The following MYO3B variants were observed in gnomAD, a reference collection of about 807,000 sequenced individuals.
MYO3B encodes the protein myosin-IIIb.
A neutral mutation model predicts 174.6 loss-of-function variants in MYO3B; 156 were observed. The ratio of observed to expected loss-of-function variants is 0.89; its 90% CI spans 0.78 to 1.02. The LOEUF (loss-of-function observed/expected upper bound fraction) is 1.02, where lower values mean the gene tolerates loss of function less well. MYO3B is among the 50% of genes least tolerant of loss of function. The pLI, the probability that MYO3B is intolerant of heterozygous loss-of-function variation, is 0.00. For synonymous variants in MYO3B, 563 were observed against 569.1 expected (o/e 0.99, Z 0.15); for missense variants, 1,632 against 1,639.4 (o/e 1.00, Z 0.08).
At chr2:170,519,844 GT>G (rs1429356591) in intron 30 of MYO3B, 2 of 261,830 alleles carry the variant, frequency 7.6e-6, no homozygotes, top group African/African-American at 4.6e-5. Context: ...ATGGTGGCAT[GT>G]GCCTGTAATC....
At chr2:170,448,160 G>A (rs1200014436) in intron 23 of MYO3B, among the ~76,000 whole-genome samples, 1 of 152,156 alleles carries the variant, frequency 6.6e-6, no homozygotes, top group African/African-American at 2.4e-5. Context: ...AGGCAGGAAG[G>A]GGATTTGTTT....
At chr2:170,474,603 C>T (rs373813146) in intron 25 of MYO3B, among the ~76,000 whole-genome samples, 2 of 151,032 alleles carry the variant, frequency 1.3e-5, no homozygotes, top group South Asian at 2.1e-4. Flanking sequence ...ATAAGCCAGG[C>T]GTGGTGGCGC....
At chr2:170,441,869 C>G (rs2094803424) in intron 22 of MYO3B, among the ~76,000 whole-genome samples, 2 of 152,124 alleles carry the variant, frequency 1.3e-5, no homozygotes, top group African/African-American at 4.8e-5. Flanking sequence ...TTAACTGCAA[C>G]CTGTTTTATC....
At chr2:170,259,660 G>A (rs535421208) in intron 7 of MYO3B, among the ~76,000 whole-genome samples, 3 of 152,282 alleles carry the variant, frequency 2.0e-5, no homozygotes, top group African/African-American at 4.8e-5. Flanking sequence ...TTATGACAAA[G>A]TCCTCAAAAG....
chr2:170,544,087 T>C, intron 32 of MYO3B, 99 bp downstream of exon 32: 1 of 919,636 alleles, frequency 1.1e-6, no homozygotes, highest in Non-Finnish European at 1.6e-6. Flanking sequence ...GATAGTAATA[T>C]GACCAAATGT....
intron 23 of MYO3B, 141 bp downstream of exon 23, chr2:170,444,187 GA>G: frequency 1.8e-6 from 1 of 547,876 alleles, no homozygotes. Context: ...AGGCATTTAG[GA>G]AATCAGGGGT....
intron 28 of MYO3B, 36 bp from the exon 29 acceptor site, chr2:170,514,885 A>G (rs774682222): frequency 1.3e-6 from 2 of 1,588,426 alleles, no homozygotes; most frequent in East Asian, 2.2e-5. Flanking sequence ...GTGTGGGAGC[A>G]TAACCTTGAG....
intron 9 of MYO3B, among the ~76,000 whole-genome samples, chr2:170,370,624 TACACACACACACAC>T (rs55790344): frequency 0.045 from 5,786 of 129,518 alleles, 223 homozygotes; most frequent in African/African-American, 0.09. Flanking sequence ...ACCACCCACC[TACACACACACACAC>T]ACACACACAC....
At chr2:170,434,444 A>T (rs951269990) in intron 22 of MYO3B, among the ~76,000 whole-genome samples, 6 of 152,144 alleles carry the variant, frequency 3.9e-5, no homozygotes, top group Non-Finnish European at 8.8e-5. Flanking sequence ...AAGGGAGGGG[A>T]AGGGGTTCTT....
intron 30 of MYO3B, chr2:170,524,596 G>A (rs1238091208): frequency 5.0e-6 from 2 of 398,370 alleles, no homozygotes; most frequent in Admixed American, 5.7e-5. Context: ...TGATTCTCCT[G>A]CCTCAGCCTC....
At chr2:170,229,439 A>G (rs940260308) in intron 6 of MYO3B, among the ~76,000 whole-genome samples, 1 of 152,240 alleles carries the variant, frequency 6.6e-6, no homozygotes, top group African/African-American at 2.4e-5. Context: ...TTTGGATTGC[A>G]TGAATGATTC....
chr2:170,196,551 T>G (rs908442830), intron 1 of MYO3B, among the ~76,000 whole-genome samples: 2 of 152,194 alleles, frequency 1.3e-5, no homozygotes, highest in Non-Finnish European at 2.9e-5. Context: ...ATGTAAAAAG[T>G]TCTTAATAAA....
intron 1 of MYO3B, among the ~76,000 whole-genome samples, chr2:170,192,575 A>AT (rs1310570070): frequency 2.7e-5 from 4 of 149,962 alleles, no homozygotes; most frequent in African/African-American, 4.9e-5. Context: ...TTCTGCTTTT[A>AT]TTTTTTCTTC....
At chr2:170,213,371 G>A (rs530438837) in intron 3 of MYO3B, among the ~76,000 whole-genome samples, 1 of 152,128 alleles carries the variant, frequency 6.6e-6, no homozygotes, top group Non-Finnish European at 1.5e-5. Flanking sequence ...CAAGCAGGGG[G>A]TACGTGACAG....
chr2:170,386,209 G>A lies in MYO3B; in HGVS notation c.1311G>A (p.Glu437=). The A allele has an allele frequency of 6.2e-7, 1 of 1,613,618 alleles. No individual in the cohort carries two copies. Among genetic ancestry groups the A allele is most frequent in the East Asian group, 2.2e-5 (1 of 44,850 alleles). Residue 437 remains glutamate (E), a synonymous_variant, in exon 13 of 35, where the codon GAG becomes GAA. Transcript: ENST00000408978. ...SKDQCIVISG[E]SGSGKTESAH... ...GCCAGTGCATTGTCATCAGCGGAGA[G>A]AGTGGCTCTGGGAAGACAGAAAGCG...
chr2:170,606,902 C>T (rs531402958), intron 32 of MYO3B, among the ~76,000 whole-genome samples: 1 of 152,244 alleles, frequency 6.6e-6, no homozygotes, highest in African/African-American at 2.4e-5. Flanking sequence ...TGCCTGTAAT[C>T]CCAGCTACTG....
chr2:170,518,005 G>A (rs890549405), intron 29 of MYO3B, among the ~76,000 whole-genome samples: 3 of 152,074 alleles, frequency 2.0e-5, no homozygotes, highest in Non-Finnish European at 4.4e-5. Flanking sequence ...GTGTGTGTGT[G>A]TGTGTGTGTA....
In MYO3B at chr2:170,383,084, C is replaced by T; in HGVS notation, c.1080C>T (p.Ile360=). 6.2e-7 allele frequency: 1 copy of T among 1,605,654 alleles called. No homozygotes were observed. The highest frequency in any genetic ancestry group is 8.5e-7 in the Non-Finnish European group (1 of 1,172,622). ...NLEVLDEDTI[I]HQLQKRYADL... ...TATCCTCTTCTTAGGATACAATTAT[C>T]CATCAGTTGCAGAAACGTTATGCAG... Residue 360 remains isoleucine (I), a synonymous_variant, in exon 11 of 35, where the codon ATC becomes ATT. Coordinates refer to ENST00000408978, the MANE Select transcript of MYO3B (RefSeq NM_138995.5).
At chr2:170,524,683 C>G in intron 30 of MYO3B, 1 of 329,254 alleles carries the variant, frequency 3.0e-6, no homozygotes, top group Non-Finnish European at 6.0e-6. Flanking sequence ...GGGGTTTTAC[C>G]ATGTTGGTCA....
Sources: allele counts gnomAD v4.1 joint callset (sites outside exome capture counted in the v4.1 genomes callset), GRCh38; gene constraint gnomAD v4.1.1; transcripts MANE v1.5; gene names NCBI Gene and HGNC (gene_info 2026-07-23, HGNC 2026-07-21).